The following COL23A1 variants were observed in gnomAD, a reference collection of about 807,000 sequenced individuals.
COL23A1 encodes the protein collagen type XXIII alpha 1 chain, also known as collagen alpha-1(XXIII) chain.
A neutral mutation model predicts 99.3 loss-of-function variants in COL23A1; 97 were observed. The ratio of observed to expected loss-of-function variants is 0.98; its 90% confidence interval spans 0.83 to 1.16. COL23A1 has a LOEUF of 1.16. Ranked by LOEUF, COL23A1 falls within the 50% of genes most tolerant of loss-of-function variation. COL23A1 has a pLI of 0.00. For missense variants in COL23A1, 762 were observed against 757.4 expected, an observed-to-expected ratio of 1.01 and a Z score of -0.07; for synonymous variants, 320 against 308.2, an observed-to-expected ratio of 1.04 and a Z score of -0.40.
chr5:178,254,258 G>A (rs111370284), intron 16 of COL23A1, among the ~76,000 whole-genome samples: 46 of 148,888 alleles, frequency 3.1e-4, no homozygotes, highest in Admixed American at 1.3e-3. Flanking sequence ...TGTGCCTGCC[G>A]TCTGGGCCAT....
chr5:178,506,970 T>A (rs188158797), intron 2 of COL23A1, among the ~76,000 whole-genome samples: 22 of 152,330 alleles, frequency 1.4e-4, no homozygotes, highest in African/African-American at 4.6e-4. Flanking sequence ...TAAGAGATGA[T>A]TTTTATTCGT....
chr5:178,507,285 C>T (rs1036674056), intron 2 of COL23A1, among the ~76,000 whole-genome samples: 11 of 152,124 alleles, frequency 7.2e-5, no homozygotes, highest in Non-Finnish European at 1.5e-4. Flanking sequence ...ACAGAGTGGG[C>T]GGACACTGTC....
intron 2 of COL23A1, among the ~76,000 whole-genome samples, chr5:178,505,601 G>A (rs1012683775): frequency 2.0e-5 from 3 of 152,126 alleles, no homozygotes; most frequent in Non-Finnish European, 4.4e-5. Context: ...TAGGGCACGT[G>A]TTAATCACCT....
At chr5:178,561,992 A>G (rs1443694860) in intron 1 of COL23A1, 3 of 448,056 alleles carry the variant, frequency 6.7e-6, no homozygotes, top group South Asian at 5.3e-5. Flanking sequence ...AGAGGCGCAG[A>G]GAGCGAAGCA....
rs550331389 is a variant in COL23A1, at chr5:178,502,257, T to G, written c.361+58425A>C. On this transcript the variant is annotated intron_variant, in intron 2 of 28. Transcript: ENST00000390654. ...CGCCATTCTCCTGCCTCAGCCTCCCTAGCAGCTGGGACTACAGGCGCCCGC... is the reference window on the plus strand; with the variant it reads ...CGCCATTCTCCTGCCTCAGCCTCCCGAGCAGCTGGGACTACAGGCGCCCGC... 2.5e-3 allele frequency among the ~76,000 whole-genome samples: 385 copies of G among 152,224 alleles called. 2 individuals carry two copies. Among genetic ancestry groups the G allele is most frequent in the African/African-American group, 8.3e-3 (343 of 41,546 alleles).
At chr5:178,449,785 T>C (rs1243453483) in intron 2 of COL23A1, among the ~76,000 whole-genome samples, 2 of 152,212 alleles carry the variant, frequency 1.3e-5, no homozygotes, top group East Asian at 3.9e-4. Context: ...AGCACCCTTT[T>C]GCAGAGCTCT....
At chr5:178,549,941 T>A (rs2113458473) in intron 2 of COL23A1, among the ~76,000 whole-genome samples, 1 of 152,328 alleles carries the variant, frequency 6.6e-6, no homozygotes, top group Non-Finnish European at 1.5e-5. Context: ...TCTCTGTACT[T>A]TTTTATATAT....
chr5:178,588,387 G>C (rs1486580065), intron 1 of COL23A1, among the ~76,000 whole-genome samples: 2 of 152,152 alleles, frequency 1.3e-5, no homozygotes, highest in East Asian at 3.9e-4. Context: ...ACTCAATCAG[G>C]GCTTGCGGTT....
chr5:178,539,438 T>A (rs1761159189), intron 2 of COL23A1, among the ~76,000 whole-genome samples: 1 of 149,786 alleles, frequency 6.7e-6, no homozygotes, highest in South Asian at 2.1e-4. Context: ...CCCAGCTACT[T>A]GAGAGGCTGA....
intron 3 of COL23A1, among the ~76,000 whole-genome samples, chr5:178,292,676 A>T (rs2913820): frequency 9.2e-5 from 14 of 151,950 alleles, no homozygotes; most frequent in Non-Finnish European, 1.9e-4. Context: ...TGGTGGTGGC[A>T]GTGGAAGTGG....
At chr5:178,285,400 CA>C (rs1221964264) in intron 5 of COL23A1, among the ~76,000 whole-genome samples, 1 of 150,792 alleles carries the variant, frequency 6.6e-6, no homozygotes, top group Non-Finnish European at 1.5e-5. Flanking sequence ...ACACAAAAAA[CA>C]AACAAACAAA....
At chr5:178,345,285 TGCCCCCTA>T in intron 2 of COL23A1, 1 of 652,152 alleles carries the variant, frequency 1.5e-6, no homozygotes, top group South Asian at 1.5e-5. Context: ...GCCAGTAATC[TGCCCCCTA>T]GTTTGAAAAT....
intron 2 of COL23A1, among the ~76,000 whole-genome samples, chr5:178,445,887 A>G (rs1767132497): frequency 6.6e-6 from 1 of 152,158 alleles, no homozygotes; most frequent in Non-Finnish European, 1.5e-5. Flanking sequence ...TATATATTCA[A>G]GACAAAAGAT....
chr5:178,302,465 G>A (rs1581114428), intron 3 of COL23A1, among the ~76,000 whole-genome samples: 2 of 150,702 alleles, frequency 1.3e-5, no homozygotes, highest in Admixed American at 6.6e-5. Flanking sequence ...GCCGGAGCAC[G>A]GCTTCAATGC....
At chr5:178,472,263 CT>C (rs1756793678) in intron 2 of COL23A1, among the ~76,000 whole-genome samples, 1 of 152,224 alleles carries the variant, frequency 6.6e-6, no homozygotes, top group African/African-American at 2.4e-5. Context: ...CTGATCCATC[CT>C]GACTCTCAGT....
chr5:178,532,959 G>A (rs1359926781), intron 2 of COL23A1, among the ~76,000 whole-genome samples: 1 of 152,152 alleles, frequency 6.6e-6, no homozygotes, highest in Non-Finnish European at 1.5e-5. Flanking sequence ...ACAGCTGTTG[G>A]TTAAGCCCTG....
chr5:178,294,246 T>C (rs1757613958), intron 3 of COL23A1, among the ~76,000 whole-genome samples: 1 of 148,846 alleles, frequency 6.7e-6, no homozygotes, highest in Admixed American at 6.7e-5. Flanking sequence ...CCGAGCTCCC[T>C]CCCCAAATCA....
At chr5:178,417,164 G>A (rs771691653) in intron 2 of COL23A1, among the ~76,000 whole-genome samples, 59 of 152,228 alleles carry the variant, frequency 3.9e-4, no homozygotes, top group Non-Finnish European at 7.2e-4. Flanking sequence ...AATGCTGGGC[G>A]AGGCGGTGCC....
At chr5:178,397,671 T>C (rs567420621) in intron 2 of COL23A1, among the ~76,000 whole-genome samples, 7 of 152,228 alleles carry the variant, frequency 4.6e-5, no homozygotes, top group Non-Finnish European at 7.3e-5. Context: ...CCACTGCAAG[T>C]GAAGCCACAG....
Sources: gnomAD v4.1 joint callset for allele counts (sites outside exome capture counted in the v4.1 genomes callset) on GRCh38, gnomAD v4.1.1 for gene constraint, MANE v1.5 for transcripts, NCBI Gene and HGNC (gene_info 2026-07-23, HGNC 2026-07-21) for gene names.